RGS7: variants seen among roughly 807,000 people sequenced by gnomAD.
RGS7 encodes regulator of G protein signaling 7, also known as regulator of G-protein signaling 7.
Under a neutral mutation model 81.1 loss-of-function variants are expected in RGS7, and 27 were observed. That is an observed-to-expected ratio of 0.33 (90% confidence interval 0.25 to 0.46). RGS7 has a LOEUF of 0.46. Ranked by LOEUF, RGS7 falls within the 20% of genes least tolerant of loss-of-function variation. The pLI is 1.00. For synonymous variants in RGS7, 208 were observed against 207.7 expected (o/e 1.00, Z -0.01); for missense variants, 396 against 607.4 (o/e 0.65, Z 3.66).
intron 18 of RGS7, among the ~76,000 whole-genome samples, chr1:240,791,469 G>T (rs1558255850): frequency 6.6e-6 from 1 of 152,138 alleles, no homozygotes; most frequent in African/African-American, 2.4e-5. Context: ...GATGTCTAAT[G>T]TATTGCTATT....
intron 4 of RGS7, among the ~76,000 whole-genome samples, chr1:240,959,694 A>G (rs1681031896): frequency 6.6e-6 from 1 of 152,224 alleles, no homozygotes; most frequent in South Asian, 2.1e-4. Context: ...AGGACACTTC[A>G]CCATAACATC....
chr1:241,285,429 G>GT (rs2148420704), intron 2 of RGS7, among the ~76,000 whole-genome samples: 2 of 152,272 alleles, frequency 1.3e-5, no homozygotes, highest in East Asian at 3.9e-4. Context: ...AATATATACA[G>GT]TTTTTTATTG....
Position 241,271,884 on chromosome 1 carries a change from CGT to C in RGS7, c.78+83813_78+83814del, listed in dbSNP as rs373357799. Among the ~76,000 whole-genome samples the C allele has an allele frequency of 0.11, 16,029 of 140,126 alleles. 928 individuals carry two copies. Among genetic ancestry groups the C allele is most frequent in the South Asian group, 0.16 (656 of 4,106 alleles). 91.9% of individuals were successfully genotyped at this position (140,126 alleles called of 152,430 possible). ...AATCACACAAGCCAAATCTTTATAA[CGT>C]GTGTGTGTGTGTGTGTGTGTGTGTG... On this transcript the variant is annotated intron_variant, in intron 2 of 18. Transcript: ENST00000440928. This position sits in a 1 kb window ranked among gnomAD's most constrained non-coding sequence, Gnocchi z 4.6.
chr1:241,190,096 C>T lies in RGS7; in HGVS notation c.79-91334G>A, dbSNP rs968667662. ...CCAGCCTGGGCGACAGAGCAGACTC[C>T]GTCTCAAAAAAAAAAATCAACTGGT... On this transcript the variant is annotated intron_variant, in intron 2 of 18. Transcript: ENST00000440928. Among the ~76,000 whole-genome samples, 24 of 151,540 alleles carry T rather than the reference C, an allele frequency of 1.6e-4. 1 individual carries two copies. Among genetic ancestry groups the T allele is most frequent in the South Asian group, 6.3e-4 (3 of 4,798 alleles).
At chr1:241,315,728 G>A (rs1296798574) in intron 2 of RGS7, among the ~76,000 whole-genome samples, 6 of 152,182 alleles carry the variant, frequency 3.9e-5, no homozygotes, top group Non-Finnish European at 4.4e-5. Flanking sequence ...GACTTCTAGT[G>A]CTATGCTGAA....
intron 2 of RGS7, among the ~76,000 whole-genome samples, chr1:241,137,975 A>G (rs111574567): frequency 0.039 from 5,986 of 152,194 alleles, 388 homozygotes; most frequent in African/African-American, 0.14. Flanking sequence ...GTTCAAGGTT[A>G]GCCTGGCCAA....
At chr1:241,085,900 C>T (rs1308772283) in intron 3 of RGS7, among the ~76,000 whole-genome samples, 1 of 152,156 alleles carries the variant, frequency 6.6e-6, no homozygotes, top group African/African-American at 2.4e-5. Flanking sequence ...CAATGGGATT[C>T]CTGGTTACTT....
rs1163554733 is a variant in RGS7 at position 241,139,613 on chromosome 1, T to A, written c.79-40851A>T. Among the ~76,000 whole-genome samples the A allele has an allele frequency of 5.9e-5, 9 of 152,314 alleles. No individual in the cohort carries two copies. The East Asian group carries it at 1.7e-3, about 29-fold the overall frequency. Reference sequence around the variant, plus strand: ...CCAAAATGGCTGCACCACCTTATATTCCCATCAGCAAGTGTGAGGGGGTCT... The same window carrying A: ...CCAAAATGGCTGCACCACCTTATATACCCATCAGCAAGTGTGAGGGGGTCT... On this transcript the variant is annotated intron_variant, in intron 2 of 18. Transcript: ENST00000440928.
chr1:240,956,953 T>C (rs1680537265), intron 4 of RGS7, among the ~76,000 whole-genome samples: 1 of 152,176 alleles, frequency 6.6e-6, no homozygotes, highest in Non-Finnish European at 1.5e-5. Flanking sequence ...CAAGAAAAGT[T>C]TGAGAAACTG....
At chr1:241,223,736 T>C (rs1001299008) in intron 2 of RGS7, among the ~76,000 whole-genome samples, 22 of 151,822 alleles carry the variant, frequency 1.4e-4, no homozygotes, top group African/African-American at 5.3e-4. Context: ...AAGAAAATTC[T>C]GTTTGGTATA....
At chr1:240,994,054 CA>C in intron 3 of RGS7, among the ~76,000 whole-genome samples, 1 of 152,304 alleles carries the variant, frequency 6.6e-6, no homozygotes, top group South Asian at 2.1e-4. Flanking sequence ...CTTCTACCAA[CA>C]CCACACAGTT....
At chr1:241,103,500 AT>A (rs2064905766) in intron 2 of RGS7, among the ~76,000 whole-genome samples, 1 of 152,236 alleles carries the variant, frequency 6.6e-6, no homozygotes, top group Non-Finnish European at 1.5e-5. Flanking sequence ...AATCATCAGC[AT>A]TCAGAAGGAG....
intron 6 of RGS7, among the ~76,000 whole-genome samples, chr1:240,888,830 G>T (rs1002834832): frequency 6.6e-6 from 1 of 152,136 alleles, no homozygotes; most frequent in East Asian, 1.9e-4. Context: ...TTAACCACTA[G>T]GCTGTGTGTG....
At chr1:240,818,379 A>T (rs1167547554) in intron 10 of RGS7, among the ~76,000 whole-genome samples, 2 of 152,176 alleles carry the variant, frequency 1.3e-5, no homozygotes, top group African/African-American at 4.8e-5. Context: ...TAATTACACA[A>T]ATAAACATAT....
intron 5 of RGS7, among the ~76,000 whole-genome samples, chr1:240,936,311 C>T (rs897269263): frequency 6.6e-5 from 10 of 152,260 alleles, no homozygotes; most frequent in Admixed American, 2.6e-4. Flanking sequence ...CCGGTCCTTC[C>T]GAATGCCATT....
At chr1:240,778,799 T>C (rs1683430571) in intron 18 of RGS7, among the ~76,000 whole-genome samples, 1 of 152,232 alleles carries the variant, frequency 6.6e-6, no homozygotes. Flanking sequence ...CCCAAAGTGC[T>C]GGGATTACAG....
intron 6 of RGS7, chr1:240,920,590 A>G (rs1673352818): frequency 1.0e-6 from 1 of 959,266 alleles, no homozygotes. Context: ...AGCAGTAGCT[A>G]CGGCAGTGGC....
chr1:241,284,422 T>C (rs556953046), intron 2 of RGS7, among the ~76,000 whole-genome samples: 40 of 152,234 alleles, frequency 2.6e-4, no homozygotes, highest in African/African-American at 9.6e-4. Flanking sequence ...TCTGGTTCCC[T>C]ACCTGGTGTT....
chr1:240,976,563 A>G (rs1684091820), intron 4 of RGS7, among the ~76,000 whole-genome samples: 1 of 152,154 alleles, frequency 6.6e-6, no homozygotes, highest in Non-Finnish European at 1.5e-5. Flanking sequence ...CATCAGCTGA[A>G]GGCCTTAAGA....
Sources: gnomAD v4.1 joint callset for allele counts (sites outside exome capture counted in the v4.1 genomes callset) on GRCh38, gnomAD v4.1.1 for gene constraint, Gnocchi (gnomAD v3.1) non-coding constraint, MANE v1.5 for transcripts, NCBI Gene and HGNC (gene_info 2026-07-23, HGNC 2026-07-21) for gene names.